Variants in LRRC4C observed in about 807,000 individuals in gnomAD.
The protein encoded by LRRC4C is leucine rich repeat containing 4C.
In LRRC4C, 5 loss-of-function variants were observed where a neutral mutation model predicts 33.6. The observed-to-expected ratio is 0.15, with a 90% CI of 0.08 to 0.31. The LOEUF (loss-of-function observed/expected upper bound fraction) is 0.31, where lower values mean the gene tolerates loss of function less well. Among genes scored for constraint, LRRC4C ranks in the 10% least tolerant of loss-of-function variants. The probability of loss-of-function intolerance (pLI) is 1.00; values close to 1 mark genes in which losing one functional copy is unlikely to be tolerated. For missense variants in LRRC4C, 560 were observed against 796.7 expected (o/e 0.70, Z 3.58); for synonymous variants, 329 against 302.0 (o/e 1.09, Z -0.93).
rs1944396629 is a variant in LRRC4C, at chr11:40,294,281, C to T, written c.-176+25347G>A. ...TCTGCTGCCACCTGGAGGGCAGAGC[C>T]AGAACAGCTGAGTCTAAAAGCAACC... On this transcript the variant is annotated intron_variant, in intron 4 of 6. Transcript: ENST00000528697. Among the ~76,000 whole-genome samples the T allele has an allele frequency of 1.3e-5, 2 of 152,094 alleles. 1 individual carries two copies. The highest frequency in any genetic ancestry group is 4.1e-4 in the South Asian group (2 of 4,820).
At chr11:40,581,770 G>C (rs1299119695) in intron 3 of LRRC4C, among the ~76,000 whole-genome samples, 4 of 152,068 alleles carry the variant, frequency 2.6e-5, no homozygotes, top group Non-Finnish European at 5.9e-5. Context: ...GGGCATGGTG[G>C]CACCCACCTG....
At chr11:41,411,713 T>C (rs935531946) in intron 1 of LRRC4C, among the ~76,000 whole-genome samples, 3 of 152,194 alleles carry the variant, frequency 2.0e-5, no homozygotes, top group Non-Finnish European at 1.5e-5. Context: ...AGGGCCACTG[T>C]CTGTGTGAAG....
At chr11:40,705,001 T>C (rs2136520995) in intron 2 of LRRC4C, among the ~76,000 whole-genome samples, 1 of 152,200 alleles carries the variant, frequency 6.6e-6, no homozygotes, top group Admixed American at 6.5e-5. Context: ...GTTAACTGTA[T>C]ATTTAGGAAT....
intron 1 of LRRC4C, among the ~76,000 whole-genome samples, chr11:41,027,144 C>T (rs12577965): frequency 0.36 from 55,201 of 151,406 alleles, 11,133 homozygotes; most frequent in East Asian, 0.51. Flanking sequence ...TTCTATTTGT[C>T]TCTAATTATT....
intron 2 of LRRC4C, among the ~76,000 whole-genome samples, chr11:40,668,618 A>G (rs1943935076): frequency 6.6e-6 from 1 of 152,206 alleles, no homozygotes; most frequent in Non-Finnish European, 1.5e-5. Flanking sequence ...ATACCTGAGC[A>G]AAGCTCTGTT....
In LRRC4C at chr11:40,804,239, T is replaced by C. The variant is rs554463346; in HGVS notation, c.-407+129396A>G. On this transcript the variant is annotated intron_variant, in intron 2 of 6. Coordinates refer to ENST00000528697, the MANE Select transcript of LRRC4C (RefSeq NM_001258419.2). ...TCCTTACACCAATCTTCTCATAGGC[T>C]CCATTTGCTTACAAATTTGATAGCT... Among the ~76,000 whole-genome samples, 65 of 152,264 alleles carry C rather than the reference T, an allele frequency of 4.3e-4. 1 individual carries two copies. Among genetic ancestry groups the C allele is most frequent in the African/African-American group, 1.5e-3 (61 of 41,552 alleles).
At chr11:41,267,427 C>T (rs779627994) in intron 1 of LRRC4C, among the ~76,000 whole-genome samples, 7 of 152,062 alleles carry the variant, frequency 4.6e-5, no homozygotes, top group African/African-American at 7.2e-5. Flanking sequence ...CTCAAACCTG[C>T]GTTTGTTCAT....
intron 1 of LRRC4C, among the ~76,000 whole-genome samples, chr11:40,976,814 G>A (rs1016906850): frequency 1.3e-5 from 2 of 152,038 alleles, no homozygotes; most frequent in African/African-American, 2.4e-5. Context: ...CAACATTTTT[G>A]CACCAGGAAC....
At position 40,813,650 on chromosome 11, in the gene LRRC4C, A is replaced by G. The variant is rs866960533; in HGVS notation, c.-407+119985T>C. ...AAAGTCTTAACTTATTTCAGCATTA[A>G]CTTAAGAGTCCACAGTCCAATGTCT... On this transcript the variant is annotated intron_variant, in intron 2 of 6. Transcript: ENST00000528697. 2.6e-5 allele frequency among the ~76,000 whole-genome samples: 4 copies of G among 152,098 alleles called. No individual in the cohort carries two copies. The South Asian group carries it at 6.2e-4, about 24-fold the overall frequency.
chr11:40,654,925 G>T (rs539127600), intron 2 of LRRC4C, among the ~76,000 whole-genome samples: 1 of 152,256 alleles, frequency 6.6e-6, no homozygotes, highest in African/African-American at 2.4e-5. Flanking sequence ...AGATCTGATG[G>T]TTTTTTAAGT....
intron 2 of LRRC4C, among the ~76,000 whole-genome samples, chr11:40,926,862 G>T (rs1052690672): frequency 6.6e-6 from 1 of 151,974 alleles, no homozygotes; most frequent in African/African-American, 2.4e-5. Context: ...TCAGATATAG[G>T]CATAAACTAT....
At chr11:41,154,390 C>CCA (rs1944134212) in intron 1 of LRRC4C, among the ~76,000 whole-genome samples, 1 of 152,050 alleles carries the variant, frequency 6.6e-6, no homozygotes, top group Non-Finnish European at 1.5e-5. Flanking sequence ...TGGCCTTTAT[C>CCA]ATTATATAAT....
intron 3 of LRRC4C, among the ~76,000 whole-genome samples, chr11:40,532,721 T>C (rs1209404614): frequency 2.0e-5 from 3 of 151,666 alleles, no homozygotes; most frequent in East Asian, 1.9e-4. Flanking sequence ...TGAGTATAGA[T>C]GGTAAGAATA....
chr11:40,880,863 G>GTATA (rs61004501), intron 2 of LRRC4C, among the ~76,000 whole-genome samples: 91,294 of 145,448 alleles, frequency 0.63, 32,309 homozygotes, highest in East Asian at 0.8. Flanking sequence ...ATGTGTGTGT[G>GTATA]TATATATATA....
rs1295585865 is a variant in LRRC4C at position 40,370,468 on chromosome 11, A to G, written c.-269-50747T>C. On this transcript the variant is annotated intron_variant, in intron 3 of 6. Coordinates refer to ENST00000528697, the MANE Select transcript of LRRC4C (RefSeq NM_001258419.2). Reference sequence around the variant, plus strand: ...AGATTCACAAGGGGGAGGAGTAAATAAAGTAACATAGCAACAACAGCAACA... The same window carrying G: ...AGATTCACAAGGGGGAGGAGTAAATGAAGTAACATAGCAACAACAGCAACA... Among the ~76,000 whole-genome samples the G allele has an allele frequency of 3.3e-5, 5 of 152,214 alleles. No individual in the cohort carries two copies. The East Asian group carries it at 7.7e-4, about 23-fold the overall frequency.
chr11:41,364,202 T>G (rs1268082642), intron 1 of LRRC4C, among the ~76,000 whole-genome samples: 2 of 152,200 alleles, frequency 1.3e-5, no homozygotes, highest in African/African-American at 4.8e-5. Flanking sequence ...GTAAGCACTC[T>G]TCAAATGTAG....
At chr11:40,904,698 C>T (rs575731767) in intron 2 of LRRC4C, among the ~76,000 whole-genome samples, 1 of 152,202 alleles carries the variant, frequency 6.6e-6, no homozygotes, top group South Asian at 2.1e-4. Context: ...AGGTTAGGCA[C>T]CATTCTCCTT....
chr11:40,451,344 A>G (rs1426406970), intron 3 of LRRC4C, among the ~76,000 whole-genome samples: 2 of 136,282 alleles, frequency 1.5e-5, no homozygotes, highest in Non-Finnish European at 3.1e-5. Context: ...TGACATTACT[A>G]TTAGCCTTAC....
chr11:40,803,925 T>C (rs1951145469), intron 2 of LRRC4C, among the ~76,000 whole-genome samples: 1 of 152,240 alleles, frequency 6.6e-6, no homozygotes, highest in African/African-American at 2.4e-5. Flanking sequence ...AACAATCCAA[T>C]TGTACTTTTT....
Sources: allele counts gnomAD v4.1 joint callset (sites outside exome capture counted in the v4.1 genomes callset), GRCh38; gene constraint gnomAD v4.1.1; transcripts MANE v1.5; gene names NCBI Gene and HGNC (gene_info 2026-07-23, HGNC 2026-07-21).